CERS6: variants seen among roughly 807,000 people sequenced by gnomAD.
CERS6 encodes the protein LAG1 homolog, ceramide synthase 6.
In CERS6, 26 loss-of-function variants were observed where a neutral mutation model predicts 56.8. The ratio of observed to expected loss-of-function variants is 0.46; its 90% CI spans 0.34 to 0.63. The LOEUF (loss-of-function observed/expected upper bound fraction) is 0.63. Among genes scored for constraint, CERS6 ranks in the 30% least tolerant of loss-of-function variants. CERS6 has a pLI of 0.01. For synonymous variants in CERS6, 164 were observed against 173.3 expected, an observed-to-expected ratio of 0.95 and a Z score of 0.42; for missense variants, 415 against 467.5, an observed-to-expected ratio of 0.89 and a Z score of 1.04.
At chr2:168,645,181 A>AGAGAGAGAGAGAGTGAGAGAGAGT (rs1332171299) in intron 4 of CERS6, among the ~76,000 whole-genome samples, 1 of 120,670 alleles carries the variant, frequency 8.3e-6, no homozygotes, top group Non-Finnish European at 1.7e-5. Context: ...AGAGAGAGAG[A>AGAGAGAGAGAGAGTGAGAGAGAGT]GAGAGAGAGT....
intron 8 of CERS6, among the ~76,000 whole-genome samples, chr2:168,759,632 A>G (rs149351581): frequency 2.6e-5 from 4 of 152,312 alleles, no homozygotes; most frequent in East Asian, 1.9e-4. Context: ...TAATTTGGCC[A>G]TGCCCTGTAC....
intron 1 of CERS6, among the ~76,000 whole-genome samples, chr2:168,523,234 C>T (rs948960274): frequency 6.6e-6 from 1 of 152,090 alleles, no homozygotes; most frequent in Non-Finnish European, 1.5e-5. Context: ...CTGCTTCAAA[C>T]GACATTATCT....
chr2:168,550,883 G>A (rs190402334), intron 2 of CERS6, among the ~76,000 whole-genome samples: 6 of 152,286 alleles, frequency 3.9e-5, no homozygotes, highest in Admixed American at 2.6e-4. Flanking sequence ...CTCCACTGGG[G>A]GCTGAAGGCA....
chr2:168,660,374 G>GT (rs1241022105), intron 4 of CERS6, among the ~76,000 whole-genome samples: 1 of 152,160 alleles, frequency 6.6e-6, no homozygotes, highest in Non-Finnish European at 1.5e-5. Flanking sequence ...ATGAGGCATT[G>GT]TTTTTTCCTG....
chr2:168,482,763 T>C (rs1694201310), intron 1 of CERS6, among the ~76,000 whole-genome samples: 1 of 152,248 alleles, frequency 6.6e-6, no homozygotes, highest in Non-Finnish European at 1.5e-5. Flanking sequence ...CTTGAATTTC[T>C]AGAAGCTCTG....
rs568974601 is a variant in CERS6, at chr2:168,543,016, A to G, written c.171-4580A>G. 4.6e-5 allele frequency among the ~76,000 whole-genome samples: 7 copies of G among 152,260 alleles called. No individual in the cohort carries two copies. The East Asian group carries it at 1.4e-3, about 29-fold the overall frequency. ...CTGGCCCATTTTACGTTTTGACTAT[A>G]TCTCTCACCACACTACTGCCCAGTG... is the stretch of plus-strand genomic sequence containing the variant. On this transcript the variant is annotated intron_variant, in intron 1 of 9. Coordinates refer to ENST00000305747, the MANE Select transcript of CERS6 (RefSeq NM_203463.3).
rs553685207 is a variant in CERS6 at position 168,475,079 on chromosome 2, A to T, written c.170+18461A>T. ...ACTACGTTGTTCTTCAGTACAGTTGATTGCCTGTCCCACCCTACCTTTTAG... is the reference window on the plus strand; with the variant it reads ...ACTACGTTGTTCTTCAGTACAGTTGTTTGCCTGTCCCACCCTACCTTTTAG... On this transcript the variant is annotated intron_variant, in intron 1 of 9. Coordinates refer to ENST00000305747, the MANE Select transcript of CERS6 (RefSeq NM_203463.3). Among the ~76,000 whole-genome samples the T allele has an allele frequency of 9.0e-4, 137 of 152,274 alleles. 1 individual carries two copies. The highest frequency in any genetic ancestry group is 1.4e-3 in the Non-Finnish European group (98 of 68,002).
At position 168,602,829 on chromosome 2, in the gene CERS6, C is replaced by A. The variant is rs200413375; in HGVS notation, c.408-28156C>A. ...AGTGTTTTATTCCCAGCCCCAGCCT[C>A]TCAGTCCTGAACAGGTCACCATTCA... On this transcript the variant is annotated intron_variant, in intron 3 of 9. Transcript: ENST00000305747. 1.1e-4 allele frequency among the ~76,000 whole-genome samples: 17 copies of A among 152,348 alleles called. No individual in the cohort carries two copies. The East Asian group carries it at 3.3e-3, about 29-fold the overall frequency.
intron 1 of CERS6, among the ~76,000 whole-genome samples, chr2:168,507,901 T>C (rs1224348164): frequency 6.6e-6 from 1 of 152,210 alleles, no homozygotes; most frequent in Non-Finnish European, 1.5e-5. Flanking sequence ...AACCATTAGA[T>C]ATTTCAAGTT....
intron 3 of CERS6, among the ~76,000 whole-genome samples, chr2:168,580,620 A>G (rs1489565672): frequency 6.6e-6 from 1 of 151,968 alleles, no homozygotes; most frequent in Non-Finnish European, 1.5e-5. Context: ...TTTGTTTTTA[A>G]TTCATTTTTG....
In CERS6 at chr2:168,746,774, G is replaced by GGT. The variant is rs1553515795; in HGVS notation, c.846-18817_846-18816dup. ...TCCAAACTGATTTAAAAGGGTAAAGGGTATATATATATATATATATATATA... is the reference window on the plus strand; with the variant it reads ...TCCAAACTGATTTAAAAGGGTAAAGGGTGTATATATATATATATATATATATA... On this transcript the variant is annotated intron_variant, in intron 8 of 9. Transcript: ENST00000305747. 6.6e-4 allele frequency among the ~76,000 whole-genome samples: 22 copies of GGT among 33,376 alleles called. 1 individual carries two copies. The highest frequency in any genetic ancestry group is 1.3e-3 in the African/African-American group (13 of 9,646). 21.9% of individuals were successfully genotyped at this position (33,376 alleles called of 152,430 possible). A position where few individuals can be genotyped will look rare whatever the true frequency, so the allele number is the denominator to read the frequency against.
intron 3 of CERS6, among the ~76,000 whole-genome samples, chr2:168,630,276 G>C (rs528044936): frequency 2.7e-5 from 4 of 146,696 alleles, no homozygotes; most frequent in African/African-American, 1.0e-4. Flanking sequence ...TTTAGTACTA[G>C]AGTAAGAGTT....
chr2:168,657,666 G>T (rs897687396), intron 4 of CERS6, among the ~76,000 whole-genome samples: 1 of 152,230 alleles, frequency 6.6e-6, no homozygotes, highest in African/African-American at 2.4e-5. Context: ...TACACCCTCC[G>T]CAGCCACTGG....
rs1684709299 is a variant in CERS6, at chr2:168,765,595, G to A, written c.849G>A (p.Val283=). Reference sequence around the variant, plus strand: ...ATCACCTCCTTCTTTTCCTTAGGGTGTTAAATACCACATTATTTGAAAGCT... The same window carrying A: ...ATCACCTCCTTCTTTTCCTTAGGGTATTAAATACCACATTATTTGAAAGCT... ...TTRLGIFPLW[V]LNTTLFESWE... The change falls in exon 9 of 10, where the codon GTG becomes GTA. Residue 283 remains valine (V), a synonymous_variant. Coordinates refer to ENST00000305747, the MANE Select transcript of CERS6 (RefSeq NM_203463.3). The A allele has an allele frequency of 6.2e-6, 10 of 1,613,000 alleles. No individual in the cohort carries two copies. The highest frequency in any genetic ancestry group is 8.5e-6 in the Non-Finnish European group (10 of 1,179,672).
At chr2:168,733,985 C>T (rs115396684) in intron 8 of CERS6, among the ~76,000 whole-genome samples, 1 of 152,092 alleles carries the variant, frequency 6.6e-6, no homozygotes, top group South Asian at 2.1e-4. Flanking sequence ...AATTACCAGT[C>T]GCTGTGAAAT....
intron 1 of CERS6, among the ~76,000 whole-genome samples, chr2:168,522,589 G>T (rs1178440671): frequency 6.6e-6 from 1 of 151,972 alleles, no homozygotes; most frequent in East Asian, 1.9e-4. Flanking sequence ...CTAGAGTGCA[G>T]TGGTACAATC....
intron 9 of CERS6, among the ~76,000 whole-genome samples, chr2:168,768,904 C>CAAAA (rs765504573): frequency 1.7e-5 from 1 of 59,386 alleles, no homozygotes; most frequent in African/African-American, 5.7e-5. Flanking sequence ...GACTCTGACT[C>CAAAA]AAAAAAAAAA....
At chr2:168,520,298 C>T (rs1165403821) in intron 1 of CERS6, among the ~76,000 whole-genome samples, 2 of 151,962 alleles carry the variant, frequency 1.3e-5, no homozygotes, top group Admixed American at 6.6e-5. Flanking sequence ...CTCGTTGATT[C>T]GTTTAAGTTC....
intron 1 of CERS6, among the ~76,000 whole-genome samples, chr2:168,530,636 T>A (rs1695149846): frequency 6.6e-6 from 1 of 152,272 alleles, no homozygotes; most frequent in Non-Finnish European, 1.5e-5. Flanking sequence ...TCTGTGTTTC[T>A]TTAATAGTTG....
Sources: allele counts gnomAD v4.1 joint callset (sites outside exome capture counted in the v4.1 genomes callset), GRCh38; gene constraint gnomAD v4.1.1; transcripts MANE v1.5; gene names NCBI Gene and HGNC (gene_info 2026-07-23, HGNC 2026-07-21).